Variants in LTBP1 observed in about 807,000 individuals in gnomAD.
LTBP1 encodes latent transforming growth factor beta binding protein 1, also known as latent-transforming growth factor beta-binding protein 1.
In LTBP1, 129 loss-of-function variants were observed where a neutral mutation model predicts 207.6. The ratio of observed to expected loss-of-function variants is 0.62; its 90% confidence interval spans 0.54 to 0.72. LTBP1 has a LOEUF of 0.72. Ranked by LOEUF, LTBP1 falls within the 30% of genes least tolerant of loss-of-function variation. The pLI is 0.00. For synonymous variants in LTBP1, 963 were observed against 833.7 expected, an observed-to-expected ratio of 1.16 and a Z score of -2.67; for missense variants, 2,281 against 2,217.2, an observed-to-expected ratio of 1.03 and a Z score of -0.58.
chr2:33,020,321 TG>T (rs1279547738), intron 2 of LTBP1, among the ~76,000 whole-genome samples: 5 of 152,114 alleles, frequency 3.3e-5, no homozygotes, highest in African/African-American at 1.2e-4. Flanking sequence ...TTTTTGGGGT[TG>T]GGGATTGGAC....
chr2:33,324,474 G>T (rs2094400414), intron 24 of LTBP1, among the ~76,000 whole-genome samples: 1 of 151,856 alleles, frequency 6.6e-6, no homozygotes, highest in African/African-American at 2.4e-5. Context: ...ACCCACGGGG[G>T]ATTTTGGAAC....
chr2:33,215,927 A>G (rs1332766330), intron 7 of LTBP1, among the ~76,000 whole-genome samples: 2 of 151,738 alleles, frequency 1.3e-5, no homozygotes, highest in Non-Finnish European at 2.9e-5. Context: ...GTTGGCCAGA[A>G]TGGTCTCGAT....
rs1232046984 is a variant in LTBP1, at chr2:33,378,183, ATATGTG to A, written c.4712-10999_4712-10994del. 9.8e-3 allele frequency among the ~76,000 whole-genome samples: 1,342 copies of A among 136,444 alleles called. 13 individuals are homozygous for A. The highest frequency in any genetic ancestry group is 0.034 in the Middle Eastern group (9 of 266). The allele number at this position is 136,444 out of a possible 152,430, so 89.5% of individuals were successfully genotyped here. On this transcript the variant is annotated intron_variant, in intron 31 of 33. Coordinates refer to ENST00000404816, the MANE Select transcript of LTBP1 (RefSeq NM_206943.4). ...GAACATTTTACTTTCATATATATATATATGTGTGTGTGTGTGTGTGTGTGTGTGTGT... is the reference window on the plus strand; with the variant it reads ...GAACATTTTACTTTCATATATATATATGTGTGTGTGTGTGTGTGTGTGTGT...
At chr2:33,012,938 T>C (rs1687873943) in intron 2 of LTBP1, among the ~76,000 whole-genome samples, 1 of 152,192 alleles carries the variant, frequency 6.6e-6, no homozygotes, top group African/African-American at 2.4e-5. Context: ...AATAATGAAA[T>C]AACGTGTTTT....
chr2:33,154,308 G>A (rs77505381), intron 5 of LTBP1, among the ~76,000 whole-genome samples: 2,284 of 152,294 alleles, frequency 0.015, 22 homozygotes, highest in East Asian at 0.027. Context: ...AAGAGGACCT[G>A]CTGTAGAGTG....
chr2:33,369,031 A>T (rs1386235377), intron 31 of LTBP1, among the ~76,000 whole-genome samples: 2 of 152,214 alleles, frequency 1.3e-5, no homozygotes, highest in Non-Finnish European at 2.9e-5. Context: ...TTAAATATTT[A>T]TTCTAAAAAT....
intron 2 of LTBP1, among the ~76,000 whole-genome samples, chr2:32,988,724 A>G (rs1332660083): frequency 2.0e-5 from 3 of 152,156 alleles, no homozygotes; most frequent in African/African-American, 7.2e-5. Flanking sequence ...CACCTTCCAC[A>G]TGCTGCAGAG....
At chr2:33,238,234 T>A (rs1052351644) in intron 9 of LTBP1, among the ~76,000 whole-genome samples, 5 of 152,194 alleles carry the variant, frequency 3.3e-5, no homozygotes, top group African/African-American at 9.6e-5. Flanking sequence ...CTTCATATTT[T>A]CACACAGTAG....
At chr2:33,326,532 G>A (rs1165528035) in intron 24 of LTBP1, among the ~76,000 whole-genome samples, 1 of 151,908 alleles carries the variant, frequency 6.6e-6, no homozygotes, top group African/African-American at 2.4e-5. Context: ...CTTCAGTCAT[G>A]AGGATATTCA....
chr2:33,397,250 A>G lies in LTBP1; in HGVS notation c.4952A>G (p.Tyr1651Cys). 6.2e-7 allele frequency: 1 copy of G among 1,614,148 alleles called. No individual in the cohort carries two copies. Among genetic ancestry groups the G allele is most frequent in the Non-Finnish European group, 8.5e-7 (1 of 1,179,998 alleles). ...TACACCTGCGATTGCTTTGATGGGT[A>G]TCACTTGGATACGGCCAAGATGACC... The part of the protein sequence containing the change: ...EGYTCDCFDG[Y>C]HLDTAKMTCV... The change falls in exon 33 of 34, where the codon TAT becomes TGT. Residue 1651 changes from tyrosine to cysteine, a missense_variant. This residue lies in a region of LTBP1 where 1,671 missense variants were observed against 1,634.8 expected (regional missense o/e 1.02). Transcript: ENST00000404816.
At chr2:33,267,145 C>G (rs2093204522) in intron 15 of LTBP1, among the ~76,000 whole-genome samples, 1 of 152,252 alleles carries the variant, frequency 6.6e-6, no homozygotes, top group Non-Finnish European at 1.5e-5. Context: ...AAGCCTGCAC[C>G]TGTGCCAGCA....
rs1384756189 is a variant in LTBP1 at position 33,133,575 on chromosome 2, A to G, written c.1034-1218A>G. On this transcript the variant is annotated intron_variant, in intron 4 of 33. Coordinates refer to ENST00000404816, the MANE Select transcript of LTBP1 (RefSeq NM_206943.4). Reference sequence around the variant, plus strand: ...AATTTGCCAGAGAGTTCAGGTTGCGATCCAGCAGTGAAGGGCAGGTCTGGG... The same window carrying G: ...AATTTGCCAGAGAGTTCAGGTTGCGGTCCAGCAGTGAAGGGCAGGTCTGGG... Among the ~76,000 whole-genome samples, 6 of 152,192 alleles carry G rather than the reference A, an allele frequency of 3.9e-5. 1 individual carries two copies. Among genetic ancestry groups the G allele is most frequent in the Non-Finnish European group, 4.4e-5 (3 of 68,024 alleles).
intron 19 of LTBP1, 41 bp downstream of exon 19, chr2:33,280,199 G>A: frequency 1.3e-6 from 2 of 1,572,606 alleles, no homozygotes; most frequent in Non-Finnish European, 1.7e-6. Flanking sequence ...TGTTTCTTCT[G>A]CATGGCCCAT....
At chr2:33,316,558 A>G (rs1045764277) in intron 24 of LTBP1, among the ~76,000 whole-genome samples, 1 of 152,164 alleles carries the variant, frequency 6.6e-6, no homozygotes, top group Admixed American at 6.5e-5. Context: ...GGAGAGAGAG[A>G]GTTCAGGGTG....
chr2:33,060,591 G>GGA (rs2077216680), intron 3 of LTBP1, among the ~76,000 whole-genome samples: 1 of 151,276 alleles, frequency 6.6e-6, no homozygotes, highest in Middle Eastern at 3.4e-3. Context: ...GGTGAGATAT[G>GGA]GAGGGAGGCA....
intron 9 of LTBP1, among the ~76,000 whole-genome samples, chr2:33,236,888 T>C (rs1297981453): frequency 1.3e-5 from 2 of 152,232 alleles, no homozygotes; most frequent in Admixed American, 1.3e-4. Context: ...TGGGCTCTGA[T>C]AATTCCTTTA....
chr2:33,263,198 A>G lies in LTBP1; in HGVS notation c.2519-96A>G, dbSNP rs2093068240. 5.3e-6 allele frequency: 4 copies of G among 758,296 alleles called. No individual in the cohort carries two copies. The South Asian group carries it at 6.1e-5, about 12-fold the overall frequency. 47.0% of individuals were successfully genotyped at this position (758,296 alleles called of 1,614,324 possible). ...CTTTATATCTGACAAATGCTGTGAT[A>G]TATTGCTAGACTAAATTATGCTTGC... On this transcript the variant is annotated intron_variant, in intron 14 of 33. Coordinates refer to ENST00000404816, the MANE Select transcript of LTBP1 (RefSeq NM_206943.4).
intron 4 of LTBP1, among the ~76,000 whole-genome samples, chr2:33,113,931 C>G (rs1466431076): frequency 2.0e-5 from 3 of 152,200 alleles, no homozygotes; most frequent in Non-Finnish European, 4.4e-5. Flanking sequence ...ACCTCTGCCT[C>G]CCAGGCTCAA....
chr2:33,263,780 C>T (rs1282416222), intron 15 of LTBP1, among the ~76,000 whole-genome samples: 2 of 151,394 alleles, frequency 1.3e-5, no homozygotes, highest in Non-Finnish European at 2.9e-5. Flanking sequence ...GGCGAAACCC[C>T]GTCTCTACTA....
Sources: gnomAD v4.1 joint callset for allele counts (sites outside exome capture counted in the v4.1 genomes callset) on GRCh38, gnomAD v4.1.1 for gene constraint, gnomAD v4.1.1 regional missense constraint, MANE v1.5 for transcripts, NCBI Gene and HGNC (gene_info 2026-07-23, HGNC 2026-07-21) for gene names.